The following PAK1 variants were observed in gnomAD, a reference collection of about 807,000 sequenced individuals.
The protein encoded by PAK1 is serine/threonine-protein kinase PAK 1.
Under a neutral mutation model 67.4 loss-of-function variants are expected in PAK1, and 29 were observed. That is an observed-to-expected ratio of 0.43 (90% CI 0.32 to 0.59). The LOEUF (loss-of-function observed/expected upper bound fraction) is 0.59. PAK1 is among the 20% of genes least tolerant of loss of function. The probability of loss-of-function intolerance (pLI) is 0.07; values close to 1 mark genes in which losing one functional copy is unlikely to be tolerated. For missense variants in PAK1, 337 were observed against 670.7 expected, an observed-to-expected ratio of 0.50 and a Z score of 5.50; for synonymous variants, 223 against 237.4, an observed-to-expected ratio of 0.94 and a Z score of 0.56.
the PAK1 span, among the ~76,000 whole-genome samples, chr11:77,513,068 C>A: frequency 3.3e-5 from 5 of 152,046 alleles, no homozygotes; most frequent in African/African-American, 4.8e-5. Context: ...CCAGCCTGGG[C>A]GATGGACTGA....
At chr11:77,413,137 G>A (rs913081528) in intron 1 of PAK1, among the ~76,000 whole-genome samples, 1 of 152,206 alleles carries the variant, frequency 6.6e-6, no homozygotes, top group Non-Finnish European at 1.5e-5. Context: ...TCATAATTAG[G>A]AGTTAGGCTT....
the PAK1 span, among the ~76,000 whole-genome samples, chr11:77,485,989 G>A: frequency 6.6e-6 from 1 of 152,128 alleles, no homozygotes; most frequent in South Asian, 2.1e-4. Flanking sequence ...ATTCCTGGAG[G>A]TCTAGCTTAC....
At chr11:77,419,380 T>C (rs1438162722) in intron 1 of PAK1, among the ~76,000 whole-genome samples, 2 of 152,218 alleles carry the variant, frequency 1.3e-5, no homozygotes, top group African/African-American at 4.8e-5. Flanking sequence ...ATTAACAAAT[T>C]ATTCTTATAA....
intron 12 of PAK1, among the ~76,000 whole-genome samples, chr11:77,336,888 G>C (rs1329893519): frequency 6.6e-6 from 1 of 151,996 alleles, no homozygotes; most frequent in Admixed American, 6.6e-5. Flanking sequence ...AAGCCTTTGA[G>C]AGTATGGATT....
At position 77,473,910 on chromosome 11, in the gene PAK1, T is replaced by G; in HGVS notation, c.-380A>C. ...GGCTCCGTGGAAAAGGGAATGAGAG[T>G]CCAAGGGGGAAGGCGTCTGTGGGGG... On this transcript the variant is annotated 5_prime_UTR_variant, in exon 1 of 15. Transcript: ENST00000356341. The G allele has an allele frequency of 1.4e-5, 2 of 141,452 alleles. No individual in the cohort carries two copies. Among genetic ancestry groups the G allele is most frequent in the Non-Finnish European group, 1.5e-5 (1 of 65,700 alleles). 8.8% of individuals were successfully genotyped at this position (141,452 alleles called of 1,614,324 possible). A position where few individuals can be genotyped will look rare whatever the true frequency, so the allele number is the denominator to read the frequency against.
chr11:77,462,093 G>A (rs556779437), intron 1 of PAK1, among the ~76,000 whole-genome samples: 24 of 151,586 alleles, frequency 1.6e-4, no homozygotes, highest in Admixed American at 3.3e-4. Flanking sequence ...TTGGGAGGCC[G>A]AAGCGGGTGG....
Position 77,365,270 on chromosome 11 carries a change from A to AAAAAAAAG in PAK1, c.478-6254_478-6253insCTTTTTTT, listed in dbSNP as rs1947375922. ...CTGTCTCAAAAAAAAAAAAAAAAAG[A>AAAAAAAAG]AAAAAGAAAAAAGAAAATGGACCCA... On this transcript the variant is annotated intron_variant, in intron 5 of 14. Coordinates refer to ENST00000356341, the MANE Select transcript of PAK1 (RefSeq NM_002576.5). Among the ~76,000 whole-genome samples, 26 of 109,480 alleles carry AAAAAAAAG rather than the reference A, an allele frequency of 2.4e-4. 1 individual carries two copies. The highest frequency in any genetic ancestry group is 6.0e-4 in the African/African-American group (18 of 29,820). 71.8% of individuals were successfully genotyped at this position (109,480 alleles called of 152,430 possible).
At chr11:77,449,168 ATGGGCCTT>A (rs921002744) in intron 1 of PAK1, among the ~76,000 whole-genome samples, 16 of 152,332 alleles carry the variant, frequency 1.1e-4, no homozygotes, top group Admixed American at 3.3e-4. Flanking sequence ...ACTTGACTTG[ATGGGCCTT>A]TGGTGCAACC....
chr11:77,492,274 G>A, the PAK1 span, among the ~76,000 whole-genome samples: 8 of 151,846 alleles, frequency 5.3e-5, no homozygotes, highest in African/African-American at 1.9e-4. Context: ...GGCAGAGGTT[G>A]CAGTGAGCTG....
intron 5 of PAK1, among the ~76,000 whole-genome samples, chr11:77,372,422 T>A (rs1203125949): frequency 6.6e-6 from 1 of 152,162 alleles, no homozygotes; most frequent in Non-Finnish European, 1.5e-5. Flanking sequence ...TAAGCTCCTG[T>A]GAGGATTCAG....
intron 7 of PAK1, among the ~76,000 whole-genome samples, chr11:77,355,244 C>T (rs559405068): frequency 6.6e-6 from 1 of 152,154 alleles, no homozygotes; most frequent in South Asian, 2.1e-4. Flanking sequence ...TGTTAACTTC[C>T]CTTCCCTCTT....
the PAK1 span, among the ~76,000 whole-genome samples, chr11:77,507,562 C>A: frequency 1.3e-5 from 2 of 152,114 alleles, no homozygotes; most frequent in Non-Finnish European, 2.9e-5. Context: ...CACTCTGTCT[C>A]CTAGGCTGGA....
chr11:77,460,359 C>G (rs1316332410), intron 1 of PAK1, among the ~76,000 whole-genome samples: 1 of 146,774 alleles, frequency 6.8e-6, no homozygotes, highest in East Asian at 2.0e-4. Context: ...AGTTTGGCAC[C>G]ATGAACATCA....
the PAK1 span, among the ~76,000 whole-genome samples, chr11:77,498,595 C>A: frequency 1.3e-5 from 2 of 151,834 alleles, no homozygotes; most frequent in Admixed American, 1.3e-4. Flanking sequence ...GCTCTCCCTG[C>A]CTGTATCATC....
In PAK1 at chr11:77,326,226, C is replaced by T. The variant is rs57343466; in HGVS notation, c.1552-2866G>A. On this transcript the variant is annotated intron_variant, in intron 14 of 14. Coordinates refer to ENST00000356341, the MANE Select transcript of PAK1 (RefSeq NM_002576.5). ...AATTTTTGCAACCATATAAAATTATCAGGATTAGGCAGGCAGGAGTATAAA... is the reference window on the plus strand; with the variant it reads ...AATTTTTGCAACCATATAAAATTATTAGGATTAGGCAGGCAGGAGTATAAA... Among the ~76,000 whole-genome samples the T allele has an allele frequency of 7.3e-4, 111 of 152,302 alleles. 1 individual carries two copies. In the East Asian group the frequency reaches 0.016, roughly 22 times the overall value.
In PAK1 at chr11:77,330,679, A is replaced by C. The variant is rs576804050; in HGVS notation, c.1551+2051T>G. Among the ~76,000 whole-genome samples the C allele has an allele frequency of 2.6e-5, 4 of 152,202 alleles. No individual in the cohort carries two copies. The South Asian group carries it at 8.3e-4, about 32-fold the overall frequency. On this transcript the variant is annotated intron_variant, in intron 14 of 14. Transcript: ENST00000356341. ...AAATGTTAGACCTAAAATGATAAAAACCCTAGAAGAAAACCTAGGCAATAC... is the reference window on the plus strand; with the variant it reads ...AAATGTTAGACCTAAAATGATAAAACCCCTAGAAGAAAACCTAGGCAATAC...
chr11:77,424,691 A>C (rs2138228961), intron 1 of PAK1, among the ~76,000 whole-genome samples: 1 of 152,222 alleles, frequency 6.6e-6, no homozygotes, highest in East Asian at 1.9e-4. Context: ...ATCTCCCATT[A>C]TTCCCTTCTG....
intron 1 of PAK1, among the ~76,000 whole-genome samples, chr11:77,457,149 G>T (rs549664332): frequency 6.6e-6 from 1 of 152,268 alleles, no homozygotes; most frequent in East Asian, 1.9e-4. Context: ...CAGGGCCACA[G>T]GATTCAATGT....
At chr11:77,492,191 C>T in the PAK1 span, among the ~76,000 whole-genome samples, 4 of 152,108 alleles carry the variant, frequency 2.6e-5, no homozygotes, top group Middle Eastern at 6.8e-3. Flanking sequence ...AAAAGCTAGC[C>T]GGGCACGGTG....
Sources: gnomAD v4.1 joint callset for allele counts (sites outside exome capture counted in the v4.1 genomes callset) on GRCh38, gnomAD v4.1.1 for gene constraint, MANE v1.5 for transcripts, NCBI Gene and HGNC (gene_info 2026-07-23, HGNC 2026-07-21) for gene names.